The following AK7 variants were observed in gnomAD, a reference collection of about 807,000 sequenced individuals.
AK7 encodes adenylate kinase 7, also known as ATP-AMP transphosphorylase 7.
A neutral mutation model predicts 96.6 loss-of-function variants in AK7; 78 were observed. The observed-to-expected ratio is 0.81, with a 90% CI of 0.67 to 0.97. The LOEUF is 0.97. Ranked by LOEUF, AK7 falls within the 50% of genes least tolerant of loss-of-function variation. The pLI is 0.00. For synonymous variants in AK7, 302 were observed against 317.2 expected (o/e 0.95, Z 0.51); for missense variants, 855 against 887.9 (o/e 0.96, Z 0.47).
intron 5 of AK7, among the ~76,000 whole-genome samples, chr14:96,431,597 T>C (rs1305250677): frequency 6.6e-6 from 1 of 152,242 alleles, no homozygotes; most frequent in Non-Finnish European, 1.5e-5. Flanking sequence ...TGCGTTTTCA[T>C]TTGATTGCAC....
Position 96,472,714 on chromosome 14 carries a change from T to TCAGA in AK7, c.1515_1518dup (p.Gly507GlnfsTer8), listed in dbSNP as rs746933482. The TCAGA allele has an allele frequency of 6.2e-7, 1 of 1,613,178 alleles. No homozygotes were observed. The highest frequency in any genetic ancestry group is 8.5e-7 in the Non-Finnish European group (1 of 1,179,166). On this transcript the variant is annotated frameshift_variant, in exon 14 of 18. Coordinates refer to ENST00000267584, the MANE Select transcript of AK7 (RefSeq NM_152327.5). LOFTEE classifies it high-confidence loss of function. ...GAAGATGAGGAGGAGGAAGATGATG[T>TCAGA]CAGAGGCAGAATGTTTCCCTTTGAT...
At chr14:96,470,411 A>G (rs1232890520) in intron 12 of AK7, among the ~76,000 whole-genome samples, 1 of 152,222 alleles carries the variant, frequency 6.6e-6, no homozygotes, top group African/African-American at 2.4e-5. Context: ...TGTACACATT[A>G]AGCAAGGTAA....
At chr14:96,418,986 A>G (rs73349267) in intron 4 of AK7, among the ~76,000 whole-genome samples, 49,706 of 152,152 alleles carry the variant, frequency 0.33, 8,425 homozygotes, top group Middle Eastern at 0.39. Flanking sequence ...TCCAACACGG[A>G]TCTCTGAATT....
chr14:96,450,583 T>C (rs1893539156), intron 9 of AK7, among the ~76,000 whole-genome samples: 1 of 136,452 alleles, frequency 7.3e-6, no homozygotes, highest in Non-Finnish European at 1.6e-5. Flanking sequence ...AAAAAAAAAA[T>C]AGGGTTTTTT....
intron 4 of AK7, among the ~76,000 whole-genome samples, chr14:96,412,571 CT>C (rs772179426): frequency 0.02 from 2,683 of 137,242 alleles, 60 homozygotes; most frequent in African/African-American, 0.059. Context: ...CCTTGCAGTA[CT>C]TTTTTTTTTT....
chr14:96,461,924 G>T (rs1454624827), intron 12 of AK7, among the ~76,000 whole-genome samples: 1 of 152,176 alleles, frequency 6.6e-6, no homozygotes, highest in Non-Finnish European at 1.5e-5. Context: ...ATTGGCCTTT[G>T]CAAGGGCCCA....
At chr14:96,447,167 C>T (rs1283897227) in intron 8 of AK7, among the ~76,000 whole-genome samples, 2 of 152,076 alleles carry the variant, frequency 1.3e-5, no homozygotes, top group Admixed American at 6.5e-5. Context: ...AAGAAGATGG[C>T]GATCATTGCA....
At chr14:96,467,130 G>A (rs1894614690) in intron 12 of AK7, among the ~76,000 whole-genome samples, 1 of 151,256 alleles carries the variant, frequency 6.6e-6, no homozygotes, top group Non-Finnish European at 1.5e-5. Context: ...TAAGAATTTT[G>A]GAAAGTGTAT....
chr14:96,452,595 G>A (rs1337948008), intron 10 of AK7, among the ~76,000 whole-genome samples: 1 of 152,032 alleles, frequency 6.6e-6, no homozygotes, highest in Non-Finnish European at 1.5e-5. Context: ...CAAAGTGCTG[G>A]GATTACATGC....
intron 4 of AK7, 104 bp downstream of exon 4, chr14:96,409,045 C>A: frequency 9.0e-7 from 1 of 1,109,564 alleles, no homozygotes; most frequent in Non-Finnish European, 1.3e-6. Flanking sequence ...TTCTCCCACT[C>A]CTGAATCCTA....
At chr14:96,443,837 A>T (rs1237994018) in intron 7 of AK7, among the ~76,000 whole-genome samples, 2 of 147,528 alleles carry the variant, frequency 1.4e-5, no homozygotes, top group Non-Finnish European at 3.0e-5. Flanking sequence ...GCAGTGGCAC[A>T]ATCTCGGTTC....
At position 96,449,861 on chromosome 14, in the gene AK7, C is replaced by A; in HGVS notation, c.930C>A (p.Tyr310Ter). Residue 310 changes from tyrosine (Y) to a stop codon, truncating the protein, a stop_gained, in exon 9 of 18, where the codon TAC becomes TAA. Transcript: ENST00000267584. LOFTEE classifies it high-confidence loss of function. ...AGAAAATACCCAGAGAAAATGCATACCTAACCAAGGACTTAACGGTTAGTA... is the reference window on the plus strand; with the variant it reads ...AGAAAATACCCAGAGAAAATGCATAACTAACCAAGGACTTAACGGTTAGTA... ...KIQKIPRENAYLTKDLTQDCL... is the reference protein window; with the variant it reads ...KIQKIPRENA 2 of 1,609,216 alleles carry A rather than the reference C, an allele frequency of 1.2e-6. No homozygotes were observed. Among genetic ancestry groups the A allele is most frequent in the South Asian group, 2.2e-5 (2 of 90,696 alleles).
At chr14:96,480,853 G>T (rs1895465939) in intron 15 of AK7, among the ~76,000 whole-genome samples, 1 of 152,202 alleles carries the variant, frequency 6.6e-6, no homozygotes. Context: ...AGGGAGAAAT[G>T]TATCCTAAGG....
chr14:96,477,841 T>C (rs559106740), intron 14 of AK7, among the ~76,000 whole-genome samples: 1 of 152,230 alleles, frequency 6.6e-6, no homozygotes, highest in African/African-American at 2.4e-5. Flanking sequence ...AGCATTTTGC[T>C]TGTAGCCATA....
At chr14:96,409,075 C>T in intron 4 of AK7, 134 bp downstream of exon 4, 8 of 840,318 alleles carry the variant, frequency 9.5e-6, no homozygotes, top group Non-Finnish European at 1.3e-5. Context: ...AAGCACCCAG[C>T]AGAGTTTACT....
intron 10 of AK7, among the ~76,000 whole-genome samples, chr14:96,455,821 C>T (rs1274595393): frequency 1.3e-5 from 2 of 152,154 alleles, no homozygotes; most frequent in Non-Finnish European, 2.9e-5. Context: ...TCTGACCAGG[C>T]GGCAGACGCT....
intron 5 of AK7, among the ~76,000 whole-genome samples, chr14:96,434,783 G>A (rs1361810062): frequency 2.0e-5 from 3 of 152,122 alleles, no homozygotes; most frequent in Non-Finnish European, 4.4e-5. Flanking sequence ...TTGTATTGCG[G>A]CTGAGCTAGC....
At chr14:96,448,291 A>G (rs1461864748) in intron 8 of AK7, among the ~76,000 whole-genome samples, 1 of 152,042 alleles carries the variant, frequency 6.6e-6, no homozygotes, top group Non-Finnish European at 1.5e-5. Flanking sequence ...TAGCTTATAA[A>G]AAATAGACAT....
At position 96,482,493 on chromosome 14, in the gene AK7, T is replaced by C. The variant is rs112521627; in HGVS notation, c.1754-506T>C. Among the ~76,000 whole-genome samples the C allele has an allele frequency of 5.3e-5, 8 of 152,328 alleles. 1 individual carries two copies. The highest frequency in any genetic ancestry group is 1.9e-4 in the African/African-American group (8 of 41,586). ...CTCTTTTTCTTCTCTTTGGTCTTGA[T>C]ACTAACATTTTTCAGATATTCTGGA... On this transcript the variant is annotated intron_variant, in intron 15 of 17. Transcript: ENST00000267584.
Sources: allele counts gnomAD v4.1 joint callset (sites outside exome capture counted in the v4.1 genomes callset), GRCh38; gene constraint gnomAD v4.1.1; transcripts MANE v1.5; gene names NCBI Gene and HGNC (gene_info 2026-07-23, HGNC 2026-07-21).